Variants in ERCC2 observed in about 807,000 individuals in gnomAD.
ERCC2 encodes ERCC excision repair 2, TFIIH core complex helicase subunit, also known as general transcription and DNA repair factor IIH helicase subunit XPD.
ERCC2 carries 90 observed loss-of-function variants against 99.4 expected under a neutral mutation model. The ratio of observed to expected loss-of-function variants is 0.91; its 90% confidence interval spans 0.76 to 1.08. The LOEUF (loss-of-function observed/expected upper bound fraction) is 1.08. Ranked by LOEUF, ERCC2 falls within the 50% of genes least tolerant of loss-of-function variation. The pLI is 0.00. For synonymous variants in ERCC2, 497 were observed against 432.4 expected (o/e 1.15, Z -1.85); for missense variants, 993 against 1,038.1 (o/e 0.96, Z 0.60).
rs992520336 is a variant in ERCC2 at position 45,351,383 on chromosome 19, G to A, written c.*246C>T. 1.2e-5 allele frequency: 19 copies of A among 1,607,306 alleles called. No individual in the cohort carries two copies. Among genetic ancestry groups the A allele is most frequent in the Non-Finnish European group, 1.5e-5 (18 of 1,179,886 alleles). Reference sequence around the variant, plus strand: ...CGTCCAGTGAACTGCGCTGGCCGCAGCTTCTTGGGAACAGTGCAGGAGGGA... The same window carrying A: ...CGTCCAGTGAACTGCGCTGGCCGCAACTTCTTGGGAACAGTGCAGGAGGGA... On this transcript the variant is annotated 3_prime_UTR_variant, in exon 23 of 23. Coordinates refer to ENST00000391945, the MANE Select transcript of ERCC2 (RefSeq NM_000400.4).
At chr19:45,351,759 TGGGCAG>T (rs777326276) in intron 22 of ERCC2, 38 bp from the exon 23 acceptor site, 2 of 1,587,798 alleles carry the variant, frequency 1.3e-6, no homozygotes, top group Non-Finnish European at 1.7e-6. Context: ...GGGGCACTGT[TGGGCAG>T]GGGCCCAGGC....
At chr19:45,356,776 C>A (rs1972027045) in intron 15 of ERCC2, among the ~76,000 whole-genome samples, 1 of 152,174 alleles carries the variant, frequency 6.6e-6, no homozygotes, top group Non-Finnish European at 1.5e-5. Context: ...CCACTGCACT[C>A]CAGCCTGGGC....
intron 22 of ERCC2, 29 bp from the exon 23 acceptor site, chr19:45,351,750 G>C: frequency 6.2e-7 from 1 of 1,602,912 alleles, no homozygotes; most frequent in Non-Finnish European, 8.5e-7. Flanking sequence ...AGGGAGAGGG[G>C]GGCACTGTTG....
chr19:45,357,438 G>A (rs773602785), intron 14 of ERCC2, 36 bp downstream of exon 14: 2 of 1,611,842 alleles, frequency 1.2e-6, no homozygotes, highest in Non-Finnish European at 1.7e-6. Flanking sequence ...ATGGAGGGAG[G>A]TCAGGGACTA....
chr19:45,367,366 T>C (rs75495997), intron 5 of ERCC2, among the ~76,000 whole-genome samples: 1,017 of 90,700 alleles, frequency 0.011, 11 homozygotes, highest in African/African-American at 0.057. Flanking sequence ...TATATATATA[T>C]ATACACACAC....
rs1971847758 is a variant in ERCC2 at position 45,352,598 on chromosome 19, G to T, written c.1954C>A (p.Leu652Ile). Reference sequence around the variant, plus strand: ...GCGTGGCGCATGGCATCGAAGGTAAGAAAGTCATTCTCACGAATCTGGAAC... The same window carrying T: ...GCGTGGCGCATGGCATCGAAGGTAATAAAGTCATTCTCACGAATCTGGAAC... ...DQFQIRENDF[L>I]TFDAMRHAAQ... The change falls in exon 21 of 23, where the codon CTT (leucine) becomes ATT (isoleucine). Residue 652 changes from leucine to isoleucine, a missense_variant. Physicochemically the swap from Leu to Ile is conservative, Grantham distance 5. This residue lies in a region of ERCC2 where 909 missense variants were observed against 930.8 expected (regional missense o/e 0.98). Coordinates refer to ENST00000391945, the MANE Select transcript of ERCC2 (RefSeq NM_000400.4). The T allele has an allele frequency of 6.2e-7, 1 of 1,613,894 alleles. No homozygotes were observed. The highest frequency in any genetic ancestry group is 8.5e-7 in the Non-Finnish European group (1 of 1,180,008).
At chr19:45,365,345 G>A (rs759842037) in intron 5 of ERCC2, among the ~76,000 whole-genome samples, 187 bp from the exon 6 acceptor site, 3 of 152,172 alleles carry the variant, frequency 2.0e-5, no homozygotes, top group Admixed American at 6.5e-5. Flanking sequence ...GGCTGGGCGC[G>A]GTGGCTCACG....
intron 15 of ERCC2, 111 bp downstream of exon 15, chr19:45,357,159 C>A (rs951745892): frequency 1.3e-6 from 1 of 755,170 alleles, no homozygotes; most frequent in Non-Finnish European, 2.3e-6. Context: ...CCGAACCCAG[C>A]CTCTTCGCTG....
intron 5 of ERCC2, among the ~76,000 whole-genome samples, chr19:45,366,610 C>T (rs1339482752): frequency 1.3e-5 from 2 of 152,156 alleles, no homozygotes; most frequent in East Asian, 3.9e-4. Flanking sequence ...CTGCTCTGTA[C>T]CCTCTAAGGC....
chr19:45,363,724 G>A lies in ERCC2; in HGVS notation c.1118+19C>T, dbSNP rs371544724. ...GGGACCTGCCGGGCCCCCACCCCGC[G>A]CGCTGTCTGGGGCCGCACCTGAGGG... On this transcript the variant is annotated intron_variant, in intron 11 of 22. Coordinates refer to ENST00000391945, the MANE Select transcript of ERCC2 (RefSeq NM_000400.4). The A allele has an allele frequency of 5.2e-5, 80 of 1,526,170 alleles. No homozygotes were observed. The South Asian group carries it at 5.5e-4, about 10-fold the overall frequency. The allele number at this position is 1,526,170 out of a possible 1,614,324, so 94.5% of individuals were successfully genotyped here.
At position 45,350,304 on chromosome 19, in the gene ERCC2, G is replaced by A. The variant is rs1346242977; in HGVS notation, c.*1325C>T. The stretch of plus-strand genomic sequence containing the variant: ...GGACTGGATGCAGTGTTGGGAACTG[G>A]GGTCCGAAAAGTTCCCAGACACTCC... On this transcript the variant is annotated 3_prime_UTR_variant, in exon 23 of 23. Transcript: ENST00000391945. 6.5e-7 allele frequency: 1 copy of A among 1,543,838 alleles called. No homozygotes were observed.
chr19:45,361,470 A>G, intron 12 of ERCC2, 54 bp downstream of exon 12: 3 of 1,285,320 alleles, frequency 2.3e-6, no homozygotes, highest in Middle Eastern at 1.9e-4. Context: ...CCCTGCTGGG[A>G]CCCTGATTCC....
Position 45,350,415 on chromosome 19 carries a change from C to A in ERCC2, c.*1214G>T. 1 of 1,613,682 alleles carries A rather than the reference C, an allele frequency of 6.2e-7. No individual in the cohort carries two copies. The highest frequency in any genetic ancestry group is 8.5e-7 in the Non-Finnish European group (1 of 1,179,698). On this transcript the variant is annotated 3_prime_UTR_variant, in exon 23 of 23. Transcript: ENST00000391945. ...ACAAAGAAATCCTCCACAAGGAGGACCTACCCGCCCCTCTCGGTGAGCCCC... is the reference window on the plus strand; with the variant it reads ...ACAAAGAAATCCTCCACAAGGAGGAACTACCCGCCCCTCTCGGTGAGCCCC...
Position 45,364,327 on chromosome 19 carries a change from G to GT in ERCC2, c.722dup (p.Asn241LysfsTer17), listed in dbSNP as rs1568542381. 1 of 1,613,984 alleles carries GT rather than the reference G, an allele frequency of 6.2e-7. No homozygotes were observed. Among genetic ancestry groups the GT allele is most frequent in the Non-Finnish European group, 8.5e-7 (1 of 1,180,000 alleles). On this transcript the variant is annotated frameshift_variant, in exon 9 of 23. Transcript: ENST00000391945. LOFTEE classifies it high-confidence loss of function. ...TGACGCTCATGGAGTCGATGCAGACGTTGTCTGGAGAAGGGGGAGAGAGCC... is the reference window on the plus strand; with the variant it reads ...TGACGCTCATGGAGTCGATGCAGACGTTTGTCTGGAGAAGGGGGAGAGAGCC...
At position 45,363,817 on chromosome 19, in the gene ERCC2, A is replaced by G. The variant is rs1179522784; in HGVS notation, c.1044T>C (p.His348=). 6.5e-7 allele frequency: 1 copy of G among 1,541,322 alleles called. No homozygotes were observed. The highest frequency in any genetic ancestry group is 8.7e-7 in the Non-Finnish European group (1 of 1,149,936). The change falls in exon 11 of 23, where the codon CAT becomes CAC. Residue 348 remains histidine, a synonymous_variant. Transcript: ENST00000391945. ...EYVKWRLRVQ[H]VVQESPPAFL... The stretch of plus-strand genomic sequence containing the variant: ...AGGCGGGCGGGCTCTCCTGCACCAC[A>G]TGCTGCACACGCAGCCGCCACTTCA...
At chr19:45,367,728 G>A (rs1972478532) in intron 5 of ERCC2, among the ~76,000 whole-genome samples, 1 of 151,772 alleles carries the variant, frequency 6.6e-6, no homozygotes, top group South Asian at 2.1e-4. Context: ...TGGCCAGGCT[G>A]GTCTCAAACT....
chr19:45,355,814 C>CTT (rs35665496), intron 15 of ERCC2, 86 bp from the exon 16 acceptor site: 494 of 678,036 alleles, frequency 7.3e-4, no homozygotes, highest in Non-Finnish European at 8.7e-4. Flanking sequence ...CTGTTCTAAG[C>CTT]TTTTTTTTTT....
At chr19:45,365,180 G>C in intron 5 of ERCC2, 22 bp from the exon 6 acceptor site, 1 of 1,588,754 alleles carries the variant, frequency 6.3e-7, no homozygotes, top group Non-Finnish European at 8.6e-7. Flanking sequence ...GGGCATCTTA[G>C]CACCCAGACA....
At chr19:45,363,252 G>A (rs574213225) in intron 11 of ERCC2, among the ~76,000 whole-genome samples, 36 of 152,274 alleles carry the variant, frequency 2.4e-4, no homozygotes, top group African/African-American at 7.2e-4. Context: ...AGGTTTGGAA[G>A]ATTAGAGGCA....
Sources: gnomAD v4.1 joint callset for allele counts (sites outside exome capture counted in the v4.1 genomes callset) on GRCh38, gnomAD v4.1.1 for gene constraint, gnomAD v4.1.1 regional missense constraint, MANE v1.5 for transcripts, NCBI Gene and HGNC (gene_info 2026-07-23, HGNC 2026-07-21) for gene names.